TSHZ2: variants seen among roughly 807,000 people sequenced by gnomAD.
TSHZ2 encodes teashirt homolog 2.
A neutral mutation model predicts 74.4 loss-of-function variants in TSHZ2; 21 were observed. That is an observed-to-expected ratio of 0.28 (90% confidence interval 0.20 to 0.41). TSHZ2 has a LOEUF of 0.41. Among genes scored for constraint, TSHZ2 ranks in the 10% least tolerant of loss-of-function variants. The probability of loss-of-function intolerance (pLI) is 1.00; values close to 1 mark genes in which losing one functional copy is unlikely to be tolerated. For synonymous variants in TSHZ2, 540 were observed against 515.3 expected (o/e 1.05, Z -0.65); for missense variants, 1,244 against 1,293.5 (o/e 0.96, Z 0.59).
At chr20:53,418,833 G>A (rs1002375201) in intron 2 of TSHZ2, among the ~76,000 whole-genome samples, 1 of 152,156 alleles carries the variant, frequency 6.6e-6, no homozygotes, top group South Asian at 2.1e-4. Context: ...AGTCCAGGCC[G>A]CCAAAGGCCT....
intron 2 of TSHZ2, among the ~76,000 whole-genome samples, chr20:53,261,593 G>A (rs1471460666): frequency 6.6e-6 from 1 of 152,048 alleles, no homozygotes; most frequent in African/African-American, 2.4e-5. Context: ...AAAATATTTG[G>A]CTTAACTCCG....
At chr20:53,001,250 G>GTGTATGTGTGTGTGTGTGTGTGTGTT (rs1982429454) in intron 1 of TSHZ2, among the ~76,000 whole-genome samples, 1 of 128,958 alleles carries the variant, frequency 7.8e-6, no homozygotes. Flanking sequence ...GTGTGTGTGT[G>GTGTATGTGTGTGTGTGTGTGTGTGTT]TGTGTTTGGG....
chr20:53,048,673 T>A (rs530890200), intron 1 of TSHZ2, among the ~76,000 whole-genome samples: 2 of 152,284 alleles, frequency 1.3e-5, no homozygotes, highest in Admixed American at 1.3e-4. Context: ...TCACCATCAG[T>A]CTGCAAAGTG....
chr20:53,090,801 G>A (rs551621627), intron 1 of TSHZ2, among the ~76,000 whole-genome samples: 1 of 152,272 alleles, frequency 6.6e-6, no homozygotes, highest in Admixed American at 6.5e-5. Flanking sequence ...AATGCTGTGT[G>A]TGCACACTCC....
In TSHZ2 at chr20:53,338,520, G is replaced by A. The variant is rs185006694; in HGVS notation, c.*8+81949G>A. The stretch of plus-strand genomic sequence containing the variant: ...TAACTGCCCACACTAACTTGAAATC[G>A]ACAAGGTGACTTTGCCTTCTAGGGG... On this transcript the variant is annotated intron_variant, in intron 2 of 2. Coordinates refer to ENST00000371497, the MANE Select transcript of TSHZ2 (RefSeq NM_173485.6). Among the ~76,000 whole-genome samples, 13 of 152,252 alleles carry A rather than the reference G, an allele frequency of 8.5e-5. No individual in the cohort carries two copies. In the East Asian group the frequency reaches 2.3e-3, roughly 27 times the overall value.
chr20:53,403,620 G>A (rs922396579), intron 2 of TSHZ2, among the ~76,000 whole-genome samples: 2 of 152,130 alleles, frequency 1.3e-5, no homozygotes, highest in South Asian at 2.1e-4. Context: ...GTGTGTGTGC[G>A]GTACACATGC....
chr20:53,354,037 T>C (rs1033649405), intron 2 of TSHZ2, among the ~76,000 whole-genome samples: 6 of 152,180 alleles, frequency 3.9e-5, no homozygotes, highest in African/African-American at 1.4e-4. Context: ...ATGGAAGGAT[T>C]CAGTGTAATG....
At chr20:53,127,325 A>T (rs1382229813) in intron 1 of TSHZ2, among the ~76,000 whole-genome samples, 1 of 152,258 alleles carries the variant, frequency 6.6e-6, no homozygotes, top group Non-Finnish European at 1.5e-5. Context: ...CAAGGATTGA[A>T]ATAAGCTTAC....
intron 1 of TSHZ2, among the ~76,000 whole-genome samples, chr20:53,029,724 T>C (rs1600654610): frequency 6.6e-6 from 1 of 152,146 alleles, no homozygotes; most frequent in African/African-American, 2.4e-5. Flanking sequence ...TTCATATGGA[T>C]GGATGTTGGA....
At chr20:53,186,927 C>T (rs1487790665) in intron 1 of TSHZ2, among the ~76,000 whole-genome samples, 1 of 151,716 alleles carries the variant, frequency 6.6e-6, no homozygotes, top group Non-Finnish European at 1.5e-5. Flanking sequence ...TATTTTGGGG[C>T]CAGGTCGAAA....
chr20:53,388,052 A>AG, intron 2 of TSHZ2, among the ~76,000 whole-genome samples: 1 of 91,010 alleles, frequency 1.1e-5, no homozygotes, highest in Non-Finnish European at 2.2e-5. Context: ...CCATCTCTAC[A>AG]AAAAAAAAAA....
intron 2 of TSHZ2, among the ~76,000 whole-genome samples, chr20:53,306,913 C>A (rs1978568500): frequency 6.6e-6 from 1 of 152,168 alleles, no homozygotes; most frequent in Non-Finnish European, 1.5e-5. Flanking sequence ...TGCTACCAAG[C>A]AATGTGCTAA....
At chr20:53,049,077 A>G (rs1359924710) in intron 1 of TSHZ2, among the ~76,000 whole-genome samples, 4 of 152,120 alleles carry the variant, frequency 2.6e-5, no homozygotes, top group Admixed American at 6.5e-5. Context: ...ATTCATTGAC[A>G]TCGTGTTTGT....
chr20:52,978,061 AG>A (rs1173435771), intron 1 of TSHZ2, among the ~76,000 whole-genome samples: 2 of 152,220 alleles, frequency 1.3e-5, no homozygotes, highest in Non-Finnish European at 2.9e-5. Flanking sequence ...TCCCTGAAGC[AG>A]CTTGACTTTT....
At chr20:53,248,701 T>C (rs1442869439) in intron 1 of TSHZ2, among the ~76,000 whole-genome samples, 1 of 152,214 alleles carries the variant, frequency 6.6e-6, no homozygotes, top group Non-Finnish European at 1.5e-5. Flanking sequence ...ATTCTGATGC[T>C]TTGAGGTCTT....
At chr20:53,287,671 G>A (rs548328021) in intron 2 of TSHZ2, among the ~76,000 whole-genome samples, 4 of 152,214 alleles carry the variant, frequency 2.6e-5, no homozygotes, top group Non-Finnish European at 5.9e-5. Flanking sequence ...ATTAGTTACA[G>A]TGAGTGCCAG....
intron 1 of TSHZ2, among the ~76,000 whole-genome samples, chr20:53,198,988 C>T (rs995873183): frequency 1.3e-5 from 2 of 152,220 alleles, no homozygotes; most frequent in African/African-American, 4.8e-5. Context: ...AGAGCACACA[C>T]TTCCTCAGAT....
chr20:53,133,377 G>T (rs764726), intron 1 of TSHZ2, among the ~76,000 whole-genome samples: 29,332 of 152,204 alleles, frequency 0.19, 3,409 homozygotes, highest in Non-Finnish European at 0.26. Context: ...AAAGCACCCA[G>T]TTCGAGCCAG....
At chr20:52,984,876 T>C (rs1981697047) in intron 1 of TSHZ2, among the ~76,000 whole-genome samples, 1 of 152,224 alleles carries the variant, frequency 6.6e-6, no homozygotes, top group African/African-American at 2.4e-5. Flanking sequence ...AGGCGTCTAC[T>C]GAAAGCTGTC....
Sources: allele counts gnomAD v4.1 joint callset (sites outside exome capture counted in the v4.1 genomes callset), GRCh38; gene constraint gnomAD v4.1.1; transcripts MANE v1.5; gene names NCBI Gene and HGNC (gene_info 2026-07-23, HGNC 2026-07-21).